PCDHGA1: variants seen among roughly 807,000 people sequenced by gnomAD.
The protein encoded by PCDHGA1 is protocadherin gamma-A1.
A neutral mutation model predicts 58.0 loss-of-function variants in PCDHGA1; 32 were observed. The observed-to-expected ratio is 0.55, with a 90% CI of 0.42 to 0.74. The LOEUF is 0.74. PCDHGA1 is among the 30% of genes least tolerant of loss of function. The pLI is 0.00. For missense variants in PCDHGA1, 1,205 were observed against 1,182.3 expected, an observed-to-expected ratio of 1.02 and a Z score of -0.28; for synonymous variants, 498 against 501.1, an observed-to-expected ratio of 0.99 and a Z score of 0.08.
At chr5:141,355,278 C>A in intron 1 of PCDHGA1, 1 of 1,613,742 alleles carries the variant, frequency 6.2e-7, no homozygotes, top group Non-Finnish European at 8.5e-7. Flanking sequence ...TGGTGGAAAT[C>A]AGGGCCGAAC....
chr5:141,476,234 G>A lies in PCDHGA1; in HGVS notation c.2422-18573G>A. 6.2e-7 allele frequency: 1 copy of A among 1,614,070 alleles called. No individual in the cohort carries two copies. The highest frequency in any genetic ancestry group is 8.5e-7 in the Non-Finnish European group (1 of 1,180,014). On this transcript the variant is annotated intron_variant, in intron 1 of 3. Coordinates refer to ENST00000517417, the MANE Select transcript of PCDHGA1 (RefSeq NM_018912.3). The surrounding 1 kb of genome is among the most constrained non-coding windows in gnomAD (Gnocchi z 7.6). Reference sequence around the variant, plus strand: ...GGTCATTCACTATGAGATCCCGGAGGAAAGAGAGAAGGGTTTCGCTGTGGG... The same window carrying A: ...GGTCATTCACTATGAGATCCCGGAGAAAAGAGAGAAGGGTTTCGCTGTGGG...
rs753472869 is a variant in PCDHGA1, at chr5:141,366,592, C to T, written c.2421+33487C>T. On this transcript the variant is annotated intron_variant, in intron 1 of 3. Coordinates refer to ENST00000517417, the MANE Select transcript of PCDHGA1 (RefSeq NM_018912.3). ...TTCGGGCTTTCCTGCAGACCTATTC[C>T]CACGAGGTCTCCCTCACCGCGGACT... The T allele has an allele frequency of 8.1e-6, 13 of 1,614,256 alleles. No individual in the cohort carries two copies. In the South Asian group the frequency reaches 1.4e-4, roughly 18 times the overall value.
chr5:141,418,908 C>G, intron 1 of PCDHGA1: 3 of 1,613,932 alleles, frequency 1.9e-6, no homozygotes, highest in Non-Finnish European at 2.5e-6. Flanking sequence ...ATAATCATCA[C>G]GTCACTCTCT....
intron 1 of PCDHGA1, among the ~76,000 whole-genome samples, chr5:141,426,006 G>C (rs1013613474): frequency 2.0e-5 from 3 of 152,104 alleles, no homozygotes; most frequent in African/African-American, 7.2e-5. Flanking sequence ...AAGGCTTCCG[G>C]CTGCAGTTTT....
At position 141,370,581 on chromosome 5, in the gene PCDHGA1, A is replaced by G. The variant is rs750222191; in HGVS notation, c.2421+37476A>G. 6.2e-6 allele frequency: 10 copies of G among 1,613,758 alleles called. No homozygotes were observed. The Admixed American group carries it at 1.0e-4, about 16-fold the overall frequency. ...GGGGTTTGGCGTGGGGGATTTACCT[A>G]CTAGGAACCTGCGGGTTATTGCAGA... On this transcript the variant is annotated intron_variant, in intron 1 of 3. Coordinates refer to ENST00000517417, the MANE Select transcript of PCDHGA1 (RefSeq NM_018912.3).
intron 1 of PCDHGA1, among the ~76,000 whole-genome samples, chr5:141,469,345 G>A (rs2099197832): frequency 6.6e-6 from 1 of 152,128 alleles, no homozygotes; most frequent in Non-Finnish European, 1.5e-5. Context: ...GGGAGGCTGA[G>A]GTGGATGGAT....
At chr5:141,394,693 G>A (rs1310404999) in intron 1 of PCDHGA1, 33 of 1,612,890 alleles carry the variant, frequency 2.0e-5, no homozygotes, top group Non-Finnish European at 2.8e-5. Context: ...GGCGAGGTGC[G>A]CACGGCGCGA....
rs778198822 is a variant in PCDHGA1, at chr5:141,432,802, A to C, written c.2422-62005A>C. 6.2e-7 allele frequency: 1 copy of C among 1,614,082 alleles called. No homozygotes were observed. The highest frequency in any genetic ancestry group is 1.1e-5 in the South Asian group (1 of 91,076). The stretch of plus-strand genomic sequence containing the variant: ...CGGACCTCGGCAGCCTCGAGTCTCC[A>C]GCTAACTCTGAAACCTCAGACCTCA... On this transcript the variant is annotated intron_variant, in intron 1 of 3. Transcript: ENST00000517417. This position sits in a 1 kb window ranked among gnomAD's most constrained non-coding sequence, Gnocchi z 6.0.
intron 1 of PCDHGA1, among the ~76,000 whole-genome samples, chr5:141,462,639 C>T (rs2099043867): frequency 7.2e-6 from 1 of 138,292 alleles, no homozygotes. Flanking sequence ...TTGACTCTTT[C>T]ATTTCCATCC....
chr5:141,470,680 T>C (rs1212361233), intron 1 of PCDHGA1, among the ~76,000 whole-genome samples: 1 of 152,090 alleles, frequency 6.6e-6, no homozygotes, highest in Non-Finnish European at 1.5e-5. Context: ...GCTGTTACCA[T>C]CTTGAAATTC....
chr5:141,507,661 C>T (rs1328943034), intron 3 of PCDHGA1, among the ~76,000 whole-genome samples: 1 of 152,236 alleles, frequency 6.6e-6, no homozygotes, highest in Non-Finnish European at 1.5e-5. Context: ...GCTTTTTAGC[C>T]TAAATCCAGA....
In PCDHGA1 at chr5:141,490,413, G is replaced by C. The variant is rs2233606; in HGVS notation, c.2422-4394G>C. 6 of 1,614,128 alleles carry C rather than the reference G, an allele frequency of 3.7e-6. No individual in the cohort carries two copies. In the South Asian group the frequency reaches 4.4e-5, roughly 12 times the overall value. On this transcript the variant is annotated intron_variant, in intron 1 of 3. Transcript: ENST00000517417. The surrounding 1 kb of genome is among the most constrained non-coding windows in gnomAD (Gnocchi z 5.4). ...GTGAAGTGAGCCTTGATATCTCTCCGGACCTGCCATTTCAGATTAAGCCTT... is the reference window on the plus strand; with the variant it reads ...GTGAAGTGAGCCTTGATATCTCTCCCGACCTGCCATTTCAGATTAAGCCTT...
At chr5:141,346,587 C>A in intron 1 of PCDHGA1, 2 of 1,372,760 alleles carry the variant, frequency 1.5e-6, no homozygotes, top group Non-Finnish European at 2.0e-6. Flanking sequence ...AATATTTGTC[C>A]CCCTTTCTTT....
At chr5:141,340,878 A>T in intron 1 of PCDHGA1, 1 of 1,613,470 alleles carries the variant, frequency 6.2e-7, no homozygotes. Context: ...CTGGACAGAG[A>T]CGCGCTCAAG....
intron 1 of PCDHGA1, among the ~76,000 whole-genome samples, chr5:141,359,677 A>G (rs1169406824): frequency 6.6e-6 from 1 of 152,110 alleles, no homozygotes; most frequent in Non-Finnish European, 1.5e-5. Flanking sequence ...CCGTTGCCCT[A>G]TACAAGACAT....
At chr5:141,404,233 AG>A (rs2094501302) in intron 1 of PCDHGA1, 1 of 1,613,628 alleles carries the variant, frequency 6.2e-7, no homozygotes, top group African/African-American at 1.3e-5. Flanking sequence ...CAACAGACAG[AG>A]GAACTCCGCC....
chr5:141,498,265 T>G (rs2099782779), intron 2 of PCDHGA1, among the ~76,000 whole-genome samples: 2 of 152,010 alleles, frequency 1.3e-5, no homozygotes, highest in Non-Finnish European at 2.9e-5. Context: ...TGTTGAGTTC[T>G]TCAGTAAACT....
intron 1 of PCDHGA1, chr5:141,355,546 A>T: frequency 6.2e-7 from 1 of 1,613,986 alleles, no homozygotes; most frequent in South Asian, 1.1e-5. Flanking sequence ...TACAGTGAAG[A>T]TTTTGCGGGT....
intron 1 of PCDHGA1, chr5:141,389,333 C>T (rs753436946): frequency 6.2e-7 from 1 of 1,614,016 alleles, no homozygotes; most frequent in South Asian, 1.1e-5. Flanking sequence ...GGCCCAACGG[C>T]CAAGTCTCTT....
Sources: gnomAD v4.1 joint callset for allele counts (sites outside exome capture counted in the v4.1 genomes callset) on GRCh38, gnomAD v4.1.1 for gene constraint, Gnocchi (gnomAD v3.1) non-coding constraint, MANE v1.5 for transcripts, NCBI Gene and HGNC (gene_info 2026-07-23, HGNC 2026-07-21) for gene names.